Variants in CEP350 observed in about 807,000 individuals in gnomAD.
The protein encoded by CEP350 is centrosomal protein 350, also known as centrosome-associated protein 350.
A neutral mutation model predicts 331.8 loss-of-function variants in CEP350; 126 were observed. The observed-to-expected ratio is 0.38, with a 90% confidence interval of 0.33 to 0.44. The LOEUF is 0.44. Among genes scored for constraint, CEP350 ranks in the 20% least tolerant of loss-of-function variants. The probability of loss-of-function intolerance (pLI) is 1.00; values close to 1 mark genes in which losing one functional copy is unlikely to be tolerated. For synonymous variants in CEP350, 1,200 were observed against 1,259.5 expected, an observed-to-expected ratio of 0.95 and a Z score of 1.00; for missense variants, 3,406 against 3,634.6, an observed-to-expected ratio of 0.94 and a Z score of 1.62.
At position 180,093,842 on chromosome 1, in the gene CEP350, T is replaced by C. The variant is rs768885002; in HGVS notation, c.7737T>C (p.Asp2579=). ...NFDDYVDINE[D]EDCYSDERYQ... ...ATGACTATGTAGACATTAATGAAGA[T>C]GAAGACTGTTACTCAGATGAACGAT... Residue 2579 remains aspartate (D), a synonymous_variant, in exon 34 of 38, where the codon GAT becomes GAC. Transcript: ENST00000367607. 22 of 1,613,762 alleles carry C rather than the reference T, an allele frequency of 1.4e-5. No homozygotes were observed. In the Admixed American group the frequency reaches 2.7e-4, roughly 20 times the overall value.
chr1:180,057,454 G>C, intron 25 of CEP350, among the ~76,000 whole-genome samples: 1 of 148,942 alleles, frequency 6.7e-6, no homozygotes, highest in South Asian at 2.1e-4. Flanking sequence ...CTTGACTGCT[G>C]TTTCTTCCCT....
At chr1:180,073,921 CT>C in intron 27 of CEP350, 1 of 1,304,302 alleles carries the variant, frequency 7.7e-7, no homozygotes. Flanking sequence ...AACTTTGCAC[CT>C]TTTTCAGTGC....
At chr1:180,059,291 C>A (rs1369313157) in intron 25 of CEP350, among the ~76,000 whole-genome samples, 1 of 152,138 alleles carries the variant, frequency 6.6e-6, no homozygotes, top group Non-Finnish European at 1.5e-5. Context: ...TATGAATTTG[C>A]CCTTTTCACT....
At position 180,015,738 on chromosome 1, in the gene CEP350, C is replaced by G. The variant is rs369216443; in HGVS notation, c.2053-111C>G. 3.5e-5 allele frequency: 44 copies of G among 1,267,940 alleles called. No homozygotes were observed. In the South Asian group the frequency reaches 7.7e-4, roughly 22 times the overall value. The allele number at this position is 1,267,940 out of a possible 1,614,324, so 78.5% of individuals were successfully genotyped here. On this transcript the variant is annotated intron_variant, in intron 10 of 37. Coordinates refer to ENST00000367607, the MANE Select transcript of CEP350 (RefSeq NM_014810.5). The stretch of plus-strand genomic sequence containing the variant: ...GGTTTTGTTTGACAAAAAAAAACCA[C>G]TACATTTTATGATCTTTGTAGAGCT...
At chr1:180,023,891 A>C (rs1655500910) in intron 13 of CEP350, among the ~76,000 whole-genome samples, 1 of 152,174 alleles carries the variant, frequency 6.6e-6, no homozygotes, top group Admixed American at 6.5e-5. Flanking sequence ...AATTAGTTAA[A>C]TCTAAATAGA....
At chr1:180,085,742 A>G (rs761185039) in intron 31 of CEP350, 15 of 152,202 alleles carry the variant, frequency 9.9e-5, no homozygotes, top group Non-Finnish European at 2.1e-4. Context: ...GTATTAGAAG[A>G]GCTCTTTGTT....
intron 1 of CEP350, among the ~76,000 whole-genome samples, chr1:179,980,466 G>A (rs994406867): frequency 6.6e-6 from 1 of 151,708 alleles, no homozygotes; most frequent in African/African-American, 2.4e-5. Context: ...TTTCCTATAT[G>A]TATGATTATA....
In CEP350 at chr1:180,033,885, C is replaced by A; in HGVS notation, c.3749C>A (p.Ser1250Tyr). The A allele has an allele frequency of 6.2e-7, 1 of 1,613,810 alleles. No homozygotes were observed. Among genetic ancestry groups the A allele is most frequent in the Non-Finnish European group, 8.5e-7 (1 of 1,179,784 alleles). The change falls in exon 16 of 38, where the codon TCT (serine) becomes TAT (tyrosine). Residue 1250 changes from serine (S) to tyrosine (Y), a missense_variant. Physicochemically the swap from Ser to Tyr is moderately radical, Grantham distance 144. Around this residue, in one of 5 missense-constraint regions of CEP350, gnomAD observed 1,857 missense variants for 1,909.2 expected, o/e 0.97. Coordinates refer to ENST00000367607, the MANE Select transcript of CEP350 (RefSeq NM_014810.5). The stretch of plus-strand genomic sequence containing the variant: ...AGTGTCTCATCAGATAAGGGAAGAT[C>A]TCAGAAAACTCCAACTTCTCCCCTG... Reference protein sequence around the residue: ...SVSVSSDKGRSQKTPTSPLSP... With the variant: ...SVSVSSDKGRYQKTPTSPLSP...
rs777919252 is a variant in CEP350, at chr1:180,041,174, T to G, written c.4147T>G (p.Leu1383Val). 1 of 1,598,254 alleles carries G rather than the reference T, an allele frequency of 6.3e-7. No homozygotes were observed. The highest frequency in any genetic ancestry group is 8.5e-7 in the Non-Finnish European group (1 of 1,172,278). The change falls in exon 18 of 38, where the codon TTG (leucine) becomes GTG (valine). Residue 1383 changes from leucine (L) to valine (V), a missense_variant. Leu to Val is a conservative substitution (Grantham distance 32). Around this residue, in one of 5 missense-constraint regions of CEP350, gnomAD observed 1,857 missense variants for 1,909.2 expected, o/e 0.97. Coordinates refer to ENST00000367607, the MANE Select transcript of CEP350 (RefSeq NM_014810.5). ...QQRHERDLAL[L>V]KLKAEQEALE... ...ACGCCATGAAAGAGACTTGGCCCTC[T>G]TGAAACTAAAGGCTGAACAAGAGGC...
At chr1:179,981,404 A>C (rs537508377) in intron 1 of CEP350, among the ~76,000 whole-genome samples, 25 of 152,356 alleles carry the variant, frequency 1.6e-4, no homozygotes, top group African/African-American at 6.0e-4. Context: ...CTTGGTAAAC[A>C]CTTAAAACTG....
At chr1:179,968,948 A>C (rs899472427) in intron 1 of CEP350, 14 of 757,720 alleles carry the variant, frequency 1.8e-5, no homozygotes, top group Non-Finnish European at 3.4e-5. Flanking sequence ...CCAATTGCTG[A>C]CTGCTTTACT....
Position 180,084,324 on chromosome 1 carries a change from A to C in CEP350, c.6285+146A>C, listed in dbSNP as rs535048986. The C allele has an allele frequency of 2.3e-5, 14 of 622,130 alleles. No individual in the cohort carries two copies. In the African/African-American group the frequency reaches 2.7e-4, roughly 12 times the overall value. The allele number at this position is 622,130 out of a possible 1,614,324, so 38.5% of individuals were successfully genotyped here. ...ATTTTATTCTCTTAAAAAAAATCTGAGGGTATCCAAGGACATTCTTGCTTA... is the reference window on the plus strand; with the variant it reads ...ATTTTATTCTCTTAAAAAAAATCTGCGGGTATCCAAGGACATTCTTGCTTA... On this transcript the variant is annotated intron_variant, in intron 31 of 37. Transcript: ENST00000367607.
chr1:179,982,852 G>A (rs547950343), intron 1 of CEP350, among the ~76,000 whole-genome samples: 3 of 152,136 alleles, frequency 2.0e-5, no homozygotes, highest in Non-Finnish European at 2.9e-5. Context: ...GTCTTGTGGC[G>A]CGATCTTGGC....
intron 4 of CEP350, among the ~76,000 whole-genome samples, chr1:179,991,707 G>GTGTGTGTGTGTGTGTATA (rs1385981536): frequency 3.1e-5 from 3 of 96,942 alleles, no homozygotes; most frequent in Non-Finnish European, 6.0e-5. Flanking sequence ...GTGTGTGTGT[G>GTGTGTGTGTGTGTGTATA]TATATATATA....
At chr1:180,048,279 A>G (rs1657261313) in intron 21 of CEP350, among the ~76,000 whole-genome samples, 1 of 152,180 alleles carries the variant, frequency 6.6e-6, no homozygotes, top group South Asian at 2.1e-4. Flanking sequence ...GAAAGGAAAA[A>G]AGGGAGTGAT....
At position 180,048,560 on chromosome 1, in the gene CEP350, A is replaced by C. The variant is rs756909107; in HGVS notation, c.4647A>C (p.Gln1549His). Reference sequence around the variant, plus strand: ...GAAGTAGCAGTGGTAGCAGCCGCCAAGAAAGTCCTTCAGTTCCATCTTGTA... The same window carrying C: ...GAAGTAGCAGTGGTAGCAGCCGCCACGAAAGTCCTTCAGTTCCATCTTGTA... The part of the protein sequence containing the change: ...DRRSSSGSSR[Q>H]ESPSVPSCKE... The change falls in exon 22 of 38, where the codon CAA (glutamine) becomes CAC (histidine). Residue 1549 changes from glutamine (Q) to histidine (H), a missense_variant. Coordinates refer to ENST00000367607, the MANE Select transcript of CEP350 (RefSeq NM_014810.5). 6.2e-7 allele frequency: 1 copy of C among 1,607,418 alleles called. No individual in the cohort carries two copies. Among genetic ancestry groups the C allele is most frequent in the Non-Finnish European group, 8.5e-7 (1 of 1,176,806 alleles).
chr1:180,105,680 A>C (rs1197971494), intron 37 of CEP350, among the ~76,000 whole-genome samples: 1 of 152,174 alleles, frequency 6.6e-6, no homozygotes, highest in African/African-American at 2.4e-5. Context: ...GGTGTATCAT[A>C]TTTATTGATT....
intron 15 of CEP350, among the ~76,000 whole-genome samples, chr1:180,032,066 TGATTATGGA>T (rs1656060173): frequency 6.6e-6 from 1 of 152,150 alleles, no homozygotes; most frequent in African/African-American, 2.4e-5. Context: ...TCACTCTTAC[TGATTATGGA>T]GCTTGCGTAC....
intron 21 of CEP350, among the ~76,000 whole-genome samples, chr1:180,046,109 G>A (rs1657101136): frequency 6.6e-6 from 1 of 152,170 alleles, no homozygotes; most frequent in South Asian, 2.1e-4. Context: ...TGTGAGTATA[G>A]CTGTGATAGT....
Sources: allele counts gnomAD v4.1 joint callset (sites outside exome capture counted in the v4.1 genomes callset), GRCh38; gene constraint gnomAD v4.1.1; regional missense constraint gnomAD v4.1.1; transcripts MANE v1.5; gene names NCBI Gene and HGNC (gene_info 2026-07-23, HGNC 2026-07-21).